Variants in RPTOR observed in about 807,000 individuals in gnomAD.
RPTOR encodes the protein regulatory-associated protein of mTOR.
Under a neutral mutation model 169.9 loss-of-function variants are expected in RPTOR, and 21 were observed. That is an observed-to-expected ratio of 0.12 (90% CI 0.09 to 0.18). The LOEUF is 0.18. Ranked by LOEUF, RPTOR falls within the 10% of genes least tolerant of loss-of-function variation. The probability of loss-of-function intolerance (pLI) is 1.00; values close to 1 mark genes in which losing one functional copy is unlikely to be tolerated. For synonymous variants in RPTOR, 732 were observed against 753.2 expected, an observed-to-expected ratio of 0.97 and a Z score of 0.46; for missense variants, 1,133 against 1,855.9, an observed-to-expected ratio of 0.61 and a Z score of 7.16.
At chr17:80,851,458 G>A (rs1244223125) in intron 11 of RPTOR, among the ~76,000 whole-genome samples, 4 of 151,620 alleles carry the variant, frequency 2.6e-5, no homozygotes, top group African/African-American at 4.9e-5. Flanking sequence ...TTTAAAAATC[G>A]TAAATCAACA....
In RPTOR at chr17:80,820,210, C is replaced by T. The variant is rs559354393; in HGVS notation, c.891-1991C>T. Among the ~76,000 whole-genome samples the T allele has an allele frequency of 4.6e-5, 7 of 152,186 alleles. No individual in the cohort carries two copies. The highest frequency in any genetic ancestry group is 1.5e-5 in the Non-Finnish European group (1 of 68,016). ...CTCTGCATGGCTTTGGTAAGGAGGGCAGGCAGCGCTCGGTGACAGTCCTGC... is the reference window on the plus strand; with the variant it reads ...CTCTGCATGGCTTTGGTAAGGAGGGTAGGCAGCGCTCGGTGACAGTCCTGC... On this transcript the variant is annotated intron_variant, in intron 7 of 33. Transcript: ENST00000306801. This position sits in a 1 kb window ranked among gnomAD's most constrained non-coding sequence, Gnocchi z 4.1.
chr17:80,580,762 A>C (rs2065007058), intron 1 of RPTOR, among the ~76,000 whole-genome samples: 1 of 152,182 alleles, frequency 6.6e-6, no homozygotes, highest in African/African-American at 2.4e-5. Context: ...AGCTGGGACC[A>C]CAGGTGCATG....
intron 11 of RPTOR, 75 bp from the exon 12 acceptor site, chr17:80,855,389 A>T (rs903740229): frequency 8.2e-6 from 9 of 1,094,248 alleles, no homozygotes; most frequent in Non-Finnish European, 1.1e-5. Flanking sequence ...CAAAGCTGGC[A>T]GCTCATGCAG....
chr17:80,905,023 G>A (rs911067368), intron 20 of RPTOR, among the ~76,000 whole-genome samples: 51 of 151,974 alleles, frequency 3.4e-4, no homozygotes, highest in African/African-American at 1.2e-3. Flanking sequence ...ACGCGTGGGG[G>A]ACTCAAGGGC....
At chr17:80,670,800 T>TC (rs1210774287) in intron 3 of RPTOR, among the ~76,000 whole-genome samples, 1 of 150,626 alleles carries the variant, frequency 6.6e-6, no homozygotes, top group Non-Finnish European at 1.5e-5. Context: ...GCCCCCCAAC[T>TC]CCCCCCCACA....
At chr17:80,680,864 G>T (rs563999515) in intron 3 of RPTOR, among the ~76,000 whole-genome samples, 23 of 152,166 alleles carry the variant, frequency 1.5e-4, no homozygotes, top group African/African-American at 4.8e-4. Context: ...TGCTGGGCTC[G>T]TCTGTGAACA....
chr17:80,614,047 T>A lies in RPTOR; in HGVS notation c.163-11644T>A, dbSNP rs117155597. The stretch of plus-strand genomic sequence containing the variant: ...TGCACTCCACTGGGGCCTTTCATTG[T>A]CCTGTCCCTTCCTGACAAGGAAATG... On this transcript the variant is annotated intron_variant, in intron 1 of 33. Transcript: ENST00000306801. Among the ~76,000 whole-genome samples, 943 of 152,316 alleles carry A rather than the reference T, an allele frequency of 6.2e-3. 59 individuals carry two copies. In the East Asian group the frequency reaches 0.15, roughly 24 times the overall value.
intron 7 of RPTOR, among the ~76,000 whole-genome samples, chr17:80,797,279 C>T (rs1418161178): frequency 2.0e-5 from 3 of 152,174 alleles, no homozygotes. Flanking sequence ...ACTGCAGGTG[C>T]ATGCCATCAT....
At chr17:80,774,487 C>T (rs1490833123) in intron 6 of RPTOR, among the ~76,000 whole-genome samples, 6 of 152,210 alleles carry the variant, frequency 3.9e-5, no homozygotes, top group East Asian at 1.9e-4. Flanking sequence ...GCTCCGCGTG[C>T]GGCCGTCTGG....
At chr17:80,736,078 G>A (rs2066430922) in intron 5 of RPTOR, among the ~76,000 whole-genome samples, 5 of 152,090 alleles carry the variant, frequency 3.3e-5, no homozygotes, top group East Asian at 1.9e-4. Flanking sequence ...AGACCAAGGT[G>A]GAAGGGTCGC....
intron 3 of RPTOR, among the ~76,000 whole-genome samples, chr17:80,673,053 C>T (rs573136037): frequency 2.0e-4 from 30 of 152,086 alleles, no homozygotes; most frequent in Non-Finnish European, 3.8e-4. Context: ...CAGCCTCCCA[C>T]GTAGCTGGGA....
rs115441418 is a variant in RPTOR at position 80,820,250 on chromosome 17, G to A, written c.891-1951G>A. ...GACAGTCCTGCAGCTTGAAAGAGGC[G>A]GTGTTTTTGCGGAACAGTTATTGAC... On this transcript the variant is annotated intron_variant, in intron 7 of 33. Transcript: ENST00000306801. The surrounding 1 kb of genome is among the most constrained non-coding windows in gnomAD (Gnocchi z 4.1). Among the ~76,000 whole-genome samples, 2 of 151,788 alleles carry A rather than the reference G, an allele frequency of 1.3e-5. No individual in the cohort carries two copies. Among genetic ancestry groups the A allele is most frequent in the African/African-American group, 4.8e-5 (2 of 41,388 alleles).
chr17:80,891,830 A>T lies in RPTOR; in HGVS notation c.2094A>T (p.Ala698=). 6.2e-7 allele frequency: 1 copy of T among 1,610,202 alleles called. No individual in the cohort carries two copies. Among genetic ancestry groups the T allele is most frequent in the Non-Finnish European group, 8.5e-7 (1 of 1,176,822 alleles). Residue 698 remains alanine (A), a synonymous_variant, in exon 18 of 34, where the codon GCA becomes GCT. Transcript: ENST00000306801. ...AGAACTACGCCTTGCCTTCTCCAGC[A>T]ACCACAGGTATGGCGTCTTCTCCTG... ...EEKNYALPSP[A]TTEGGSLTPV...
In RPTOR at chr17:80,711,827, T is replaced by C. The variant is rs2066195631; in HGVS notation, c.507+3828T>C. Among the ~76,000 whole-genome samples the C allele has an allele frequency of 2.1e-5, 3 of 145,394 alleles. No homozygotes were observed. The South Asian group carries it at 6.7e-4, about 32-fold the overall frequency. On this transcript the variant is annotated intron_variant, in intron 4 of 33. Coordinates refer to ENST00000306801, the MANE Select transcript of RPTOR (RefSeq NM_020761.3). ...GGCGTGATCTTGGCTCACTGCAGCG[T>C]CCGCCTCCTGGGTTCAAGCAATTCT...
chr17:80,632,943 T>C (rs556958247), intron 2 of RPTOR, among the ~76,000 whole-genome samples: 5 of 152,080 alleles, frequency 3.3e-5, no homozygotes, highest in African/African-American at 1.2e-4. Flanking sequence ...TAGCTGGGAC[T>C]GTAGATGTGC....
At chr17:80,795,815 C>T (rs973721962) in intron 7 of RPTOR, among the ~76,000 whole-genome samples, 2 of 152,148 alleles carry the variant, frequency 1.3e-5, no homozygotes, top group Non-Finnish European at 2.9e-5. Flanking sequence ...AGCAGCAGTG[C>T]CGAGGGCATC....
At position 80,945,766 on chromosome 17, in the gene RPTOR, A is replaced by C; in HGVS notation, c.3125A>C (p.Asp1042Ala). The C allele has an allele frequency of 6.2e-7, 1 of 1,609,212 alleles. No individual in the cohort carries two copies. Among genetic ancestry groups the C allele is most frequent in the Non-Finnish European group, 8.5e-7 (1 of 1,177,884 alleles). ...TTCACGCCGTGCATCGCCGTAGCCG[A>C]CAAGGACAGCATCTGGTATGCACCG... ...HPFTPCIAVADKDSICFWDWE... is the reference protein window; with the variant it reads ...HPFTPCIAVAAKDSICFWDWE... Residue 1042 changes from aspartate (D) to alanine (A), a missense_variant, in exon 26 of 34, where the codon GAC becomes GCC. Physicochemically the swap from Asp to Ala is moderately radical, Grantham distance 126 (BLOSUM62 -2). Around this residue, in one of 9 missense-constraint regions of RPTOR, gnomAD observed 410 missense variants for 623.7 expected, o/e 0.66. Transcript: ENST00000306801.
At chr17:80,634,469 CGTGTGCATACTGT>C (rs1259418616) in intron 2 of RPTOR, among the ~76,000 whole-genome samples, 18 of 58,272 alleles carry the variant, frequency 3.1e-4, no homozygotes, top group Admixed American at 8.4e-4. Context: ...ATAGTGTGTG[CGTGTGCATACTGT>C]GTGTGCATAC....
At chr17:80,687,264 G>A (rs543163078) in intron 3 of RPTOR, among the ~76,000 whole-genome samples, 152 of 152,250 alleles carry the variant, frequency 1.0e-3, no homozygotes, top group African/African-American at 3.6e-3. Flanking sequence ...CCCTCTTCCT[G>A]TTTCTTTCTC....
Sources: allele counts gnomAD v4.1 joint callset (sites outside exome capture counted in the v4.1 genomes callset), GRCh38; gene constraint gnomAD v4.1.1; regional missense constraint gnomAD v4.1.1; non-coding constraint Gnocchi (gnomAD v3.1); transcripts MANE v1.5; gene names NCBI Gene and HGNC (gene_info 2026-07-23, HGNC 2026-07-21).